KLHL29: variants seen among roughly 807,000 people sequenced by gnomAD.
KLHL29 encodes kelch-like protein 29.
A neutral mutation model predicts 80.4 loss-of-function variants in KLHL29; 21 were observed. That is an observed-to-expected ratio of 0.26 (90% CI 0.19 to 0.38). The LOEUF (loss-of-function observed/expected upper bound fraction) is 0.38, where lower values mean the gene tolerates loss of function less well. Ranked by LOEUF, KLHL29 falls within the 10% of genes least tolerant of loss-of-function variation. KLHL29 has a pLI of 1.00. For synonymous variants in KLHL29, 511 were observed against 526.8 expected (o/e 0.97, Z 0.41); for missense variants, 867 against 1,223.9 (o/e 0.71, Z 4.35).
chr2:23,691,902 C>G, intron 7 of KLHL29, 26 bp downstream of exon 7: 1 of 1,543,662 alleles, frequency 6.5e-7, no homozygotes, highest in South Asian at 1.2e-5. Context: ...ACATATGTCG[C>G]TTGGGGGGAA....
chr2:23,548,917 G>T (rs115940473), intron 2 of KLHL29, among the ~76,000 whole-genome samples: 4 of 152,252 alleles, frequency 2.6e-5, no homozygotes, highest in Non-Finnish European at 5.9e-5. Context: ...ATTCTAATTC[G>T]TCTCTGTCCT....
chr2:23,590,865 GTTTA>G (rs1198151580), intron 3 of KLHL29, among the ~76,000 whole-genome samples: 4 of 152,178 alleles, frequency 2.6e-5, no homozygotes, highest in African/African-American at 7.2e-5. Flanking sequence ...ATAGATAAGT[GTTTA>G]TTTAGGATCT....
intron 4 of KLHL29, among the ~76,000 whole-genome samples, chr2:23,641,074 T>C (rs1240533846): frequency 6.6e-6 from 1 of 152,014 alleles, no homozygotes; most frequent in Non-Finnish European, 1.5e-5. Flanking sequence ...AGAGCAGCTG[T>C]GAAAACCAAG....
At chr2:23,484,268 G>T (rs1328629792) in intron 2 of KLHL29, among the ~76,000 whole-genome samples, 1 of 152,196 alleles carries the variant, frequency 6.6e-6, no homozygotes, top group Non-Finnish European at 1.5e-5. Context: ...GTTGTGAAGA[G>T]AATGGGGAGA....
intron 3 of KLHL29, among the ~76,000 whole-genome samples, chr2:23,567,540 G>A (rs188766570): frequency 6.6e-6 from 1 of 152,344 alleles, no homozygotes; most frequent in African/African-American, 2.4e-5. Context: ...TCATCATAGA[G>A]ACAACGCTGG....
chr2:23,662,458 T>TGGGGCTTTGGCC (rs1439172629), intron 5 of KLHL29, among the ~76,000 whole-genome samples: 4 of 152,210 alleles, frequency 2.6e-5, no homozygotes, highest in Non-Finnish European at 5.9e-5. Flanking sequence ...TTGGCCAAGA[T>TGGGGCTTTGGCC]AAGCCTTTGG....
At chr2:23,442,492 T>C (rs560627285) in intron 1 of KLHL29, among the ~76,000 whole-genome samples, 24 of 152,192 alleles carry the variant, frequency 1.6e-4, no homozygotes, top group African/African-American at 5.1e-4. Context: ...AGTTTGTCTT[T>C]GAAGATGGAG....
At chr2:23,497,829 G>T (rs891171271) in intron 2 of KLHL29, among the ~76,000 whole-genome samples, 2 of 152,130 alleles carry the variant, frequency 1.3e-5, no homozygotes, top group African/African-American at 4.8e-5. Flanking sequence ...CTGAAGTCAG[G>T]GGAAACCAAC....
Position 23,684,275 on chromosome 2 carries a change from A to C in KLHL29, c.941-124A>C, listed in dbSNP as rs1480461830. The C allele has an allele frequency of 1.4e-6, 1 of 716,108 alleles. No individual in the cohort carries two copies. Among genetic ancestry groups the C allele is most frequent in the Non-Finnish European group, 2.0e-6 (1 of 494,752 alleles). 44.4% of individuals were successfully genotyped at this position (716,108 alleles called of 1,614,324 possible). On this transcript the variant is annotated intron_variant, in intron 5 of 13. Transcript: ENST00000486442. The surrounding 1 kb of genome is among the most constrained non-coding windows in gnomAD (Gnocchi z 4.4). Reference sequence around the variant, plus strand: ...CTGTCAGTGTTGAGCCAGTCTTGCCAAGAAACAATATCAAGTATTTCCTAT... The same window carrying C: ...CTGTCAGTGTTGAGCCAGTCTTGCCCAGAAACAATATCAAGTATTTCCTAT...
intron 1 of KLHL29, among the ~76,000 whole-genome samples, chr2:23,429,632 A>T (rs993276746): frequency 6.6e-6 from 1 of 152,160 alleles, no homozygotes; most frequent in Non-Finnish European, 1.5e-5. Flanking sequence ...GGACGCCTGT[A>T]ATCTCAGCTA....
In KLHL29 at chr2:23,703,947, A is replaced by T. The variant is rs1393001454; in HGVS notation, c.2444+84A>T. On this transcript the variant is annotated intron_variant, in intron 13 of 13. Transcript: ENST00000486442. ...GTGACCACAATGATTTCCTGCCATC[A>T]GTGACCATAGCAATTCCCAGGCCCA... 2.8e-6 allele frequency: 4 copies of T among 1,405,768 alleles called. No individual in the cohort carries two copies. The Admixed American group carries it at 6.9e-5, about 24-fold the overall frequency. The allele number at this position is 1,405,768 out of a possible 1,614,324, so 87.1% of individuals were successfully genotyped here. A position where few individuals can be genotyped will look rare whatever the true frequency, so the allele number is the denominator to read the frequency against.
intron 4 of KLHL29, 116 bp downstream of exon 4, chr2:23,639,396 GC>G: frequency 9.8e-7 from 1 of 1,019,028 alleles, no homozygotes; most frequent in Middle Eastern, 2.6e-4. Context: ...GCCTGCAGAA[GC>G]CCCCTCCTCA....
chr2:23,432,670 T>C (rs1663215163), intron 1 of KLHL29, among the ~76,000 whole-genome samples: 1 of 152,232 alleles, frequency 6.6e-6, no homozygotes, highest in Admixed American at 6.5e-5. Context: ...GGGAAACCTC[T>C]CTGAGGAGGC....
intron 3 of KLHL29, among the ~76,000 whole-genome samples, chr2:23,578,393 A>G (rs1050526119): frequency 2.0e-5 from 3 of 152,200 alleles, no homozygotes; most frequent in East Asian, 1.9e-4. Context: ...CTCTCAGAAC[A>G]TTGGTTTCCT....
rs376458851 is a variant in KLHL29, at chr2:23,621,018, TG to T, written c.286-18120del. 8.9e-4 allele frequency among the ~76,000 whole-genome samples: 136 copies of T among 152,360 alleles called. 2 individuals are homozygous for T. The highest frequency in any genetic ancestry group is 3.1e-3 in the African/African-American group (128 of 41,592). On this transcript the variant is annotated intron_variant, in intron 3 of 13. Coordinates refer to ENST00000486442, the MANE Select transcript of KLHL29 (RefSeq NM_052920.2). ...GAGCCAGGCGGAAGGTCTTTCTCAT[TG>T]CTCAGGCTGGCAGCTTGAGGCACAC... is the stretch of plus-strand genomic sequence containing the variant.
chr2:23,677,543 T>C (rs1670957316), intron 5 of KLHL29, among the ~76,000 whole-genome samples: 1 of 152,302 alleles, frequency 6.6e-6, no homozygotes, highest in Admixed American at 6.5e-5. Flanking sequence ...CGCAGGTGGT[T>C]TCATTCTGTC....
Position 23,655,269 on chromosome 2 carries a change from G to A in KLHL29, c.940+12419G>A, listed in dbSNP as rs80247909. The stretch of plus-strand genomic sequence containing the variant: ...TCTCCCACACCTTAATCAGAGCATC[G>A]CCAATGCAATAAAGTTAATGGAGCC... On this transcript the variant is annotated intron_variant, in intron 5 of 13. Coordinates refer to ENST00000486442, the MANE Select transcript of KLHL29 (RefSeq NM_052920.2). Among the ~76,000 whole-genome samples the A allele has an allele frequency of 4.3e-3, 648 of 152,272 alleles. 33 individuals carry two copies. The East Asian group carries it at 0.11, about 26-fold the overall frequency.
At chr2:23,607,523 C>A (rs941805325) in intron 3 of KLHL29, among the ~76,000 whole-genome samples, 6 of 152,116 alleles carry the variant, frequency 3.9e-5, no homozygotes, top group Admixed American at 1.3e-4. Context: ...CCAGTCATAC[C>A]CTATCTTATA....
At chr2:23,471,665 T>A (rs1163021931) in intron 1 of KLHL29, among the ~76,000 whole-genome samples, 2 of 152,214 alleles carry the variant, frequency 1.3e-5, no homozygotes, top group Non-Finnish European at 2.9e-5. Context: ...CTTTAGCTTT[T>A]ACGATTTGTT....
Sources: gnomAD v4.1 joint callset for allele counts (sites outside exome capture counted in the v4.1 genomes callset) on GRCh38, gnomAD v4.1.1 for gene constraint, Gnocchi (gnomAD v3.1) non-coding constraint, MANE v1.5 for transcripts, NCBI Gene and HGNC (gene_info 2026-07-23, HGNC 2026-07-21) for gene names.